The following FGF14 variants were observed in gnomAD, a reference collection of about 807,000 sequenced individuals.
The protein encoded by FGF14 is fibroblast growth factor homologous factor 4.
A neutral mutation model predicts 25.5 loss-of-function variants in FGF14; 5 were observed. The ratio of observed to expected loss-of-function variants is 0.20; its 90% CI spans 0.10 to 0.41. The LOEUF (loss-of-function observed/expected upper bound fraction) is 0.41. Ranked by LOEUF, FGF14 falls within the 10% of genes least tolerant of loss-of-function variation. The pLI, the probability that FGF14 is intolerant of heterozygous loss-of-function variation, is 1.00. For missense variants in FGF14, 222 were observed against 320.1 expected (o/e 0.69, Z 2.34); for synonymous variants, 138 against 118.3 (o/e 1.17, Z -1.08).
chr13:101,831,963 T>C (rs1187194792), intron 3 of FGF14, among the ~76,000 whole-genome samples: 3 of 152,042 alleles, frequency 2.0e-5, no homozygotes. Flanking sequence ...CCACCAAATA[T>C]ATCAGGTCTT....
At chr13:102,207,397 C>A (rs1293456134) in intron 1 of FGF14, among the ~76,000 whole-genome samples, 1 of 151,648 alleles carries the variant, frequency 6.6e-6, no homozygotes, top group Non-Finnish European at 1.5e-5. Context: ...CCATTTTACA[C>A]CTCAAAGTTT....
intron 1 of FGF14, among the ~76,000 whole-genome samples, chr13:102,179,855 T>C (rs1387324318): frequency 6.6e-6 from 1 of 152,184 alleles, no homozygotes; most frequent in African/African-American, 2.4e-5. Context: ...GGACCCTAGC[T>C]CTTCCATCCC....
intron 1 of FGF14, among the ~76,000 whole-genome samples, chr13:102,386,238 T>C (rs1434105180): frequency 6.6e-6 from 1 of 151,590 alleles, no homozygotes; most frequent in Non-Finnish European, 1.5e-5. Context: ...GTCCAAGTGA[T>C]TCTCCTGCCT....
intron 1 of FGF14, among the ~76,000 whole-genome samples, chr13:101,978,202 T>C (rs987152192): frequency 2.0e-5 from 3 of 152,258 alleles, no homozygotes; most frequent in African/African-American, 7.2e-5. Context: ...ATATTCTCTT[T>C]TAATAGAGTT....
At chr13:102,027,093 C>T (rs1246413021) in intron 1 of FGF14, among the ~76,000 whole-genome samples, 1 of 151,872 alleles carries the variant, frequency 6.6e-6, no homozygotes, top group African/African-American at 2.4e-5. Context: ...CCTCCTTTGG[C>T]ATAGTCAATT....
At chr13:102,341,560 C>T (rs1438406537) in intron 1 of FGF14, among the ~76,000 whole-genome samples, 1 of 152,094 alleles carries the variant, frequency 6.6e-6, no homozygotes, top group Non-Finnish European at 1.5e-5. Context: ...CCTACCATCC[C>T]TATTGTGAGC....
chr13:101,866,360 T>G (rs1180179785), intron 3 of FGF14, among the ~76,000 whole-genome samples: 1 of 152,122 alleles, frequency 6.6e-6, no homozygotes. Flanking sequence ...CAGTTAAAAA[T>G]GTAAGCTAAT....
intron 1 of FGF14, among the ~76,000 whole-genome samples, chr13:102,165,100 T>C (rs537274709): frequency 5.7e-4 from 87 of 151,778 alleles, no homozygotes; most frequent in Non-Finnish European, 1.1e-3. Flanking sequence ...AAATGCAAAT[T>C]AAAACCACAA....
intron 1 of FGF14, among the ~76,000 whole-genome samples, chr13:101,966,899 C>G (rs7324099): frequency 0.093 from 14,222 of 152,136 alleles, 852 homozygotes; most frequent in Admixed American, 0.19. Context: ...AGCTGGACTC[C>G]GGCTCATATA....
intron 3 of FGF14, among the ~76,000 whole-genome samples, chr13:101,769,875 T>A (rs1429274187): frequency 6.6e-6 from 1 of 152,156 alleles, no homozygotes; most frequent in African/African-American, 2.4e-5. Context: ...GATACTATAA[T>A]CATGGATACA....
At chr13:102,083,591 G>A (rs2043744465) in intron 1 of FGF14, among the ~76,000 whole-genome samples, 1 of 152,156 alleles carries the variant, frequency 6.6e-6, no homozygotes, top group Non-Finnish European at 1.5e-5. Context: ...AACGAAAGAA[G>A]CTCTAAAACC....
intron 1 of FGF14, among the ~76,000 whole-genome samples, chr13:102,204,475 G>A (rs1443051467): frequency 1.3e-5 from 2 of 152,158 alleles, no homozygotes; most frequent in Admixed American, 6.5e-5. Context: ...AGTTGGGCAT[G>A]GCCCATATAT....
chr13:101,729,173 T>A (rs2035641113), intron 3 of FGF14, among the ~76,000 whole-genome samples: 1 of 152,148 alleles, frequency 6.6e-6, no homozygotes, highest in Non-Finnish European at 1.5e-5. Flanking sequence ...TCTGTAGAAC[T>A]ATTGCCTTCA....
At chr13:102,370,503 G>A (rs999306251) in intron 1 of FGF14, among the ~76,000 whole-genome samples, 4 of 151,044 alleles carry the variant, frequency 2.6e-5, no homozygotes, top group Non-Finnish European at 5.9e-5. Flanking sequence ...CTCCCACCTC[G>A]GCCTCCTGAG....
intron 1 of FGF14, among the ~76,000 whole-genome samples, chr13:102,077,975 G>C (rs890443608): frequency 6.6e-6 from 1 of 152,096 alleles, no homozygotes; most frequent in African/African-American, 2.4e-5. Flanking sequence ...AGGAAATCTT[G>C]TGTTTGCAAC....
intron 1 of FGF14, among the ~76,000 whole-genome samples, chr13:102,171,972 G>GTATTTATTTATTTATT (rs58098373): frequency 6.8e-6 from 1 of 146,126 alleles, no homozygotes; most frequent in Non-Finnish European, 1.5e-5. Context: ...CACTTACCAT[G>GTATTTATTTATTTATT]TATTTATTTA....
At chr13:102,217,675 A>T (rs1346677177) in intron 1 of FGF14, among the ~76,000 whole-genome samples, 1 of 152,214 alleles carries the variant, frequency 6.6e-6, no homozygotes, top group East Asian at 1.9e-4. Flanking sequence ...GTTGACTCAG[A>T]AAAAGAAAAG....
intron 1 of FGF14, among the ~76,000 whole-genome samples, chr13:101,959,161 A>G (rs1466355825): frequency 1.3e-5 from 2 of 152,112 alleles, no homozygotes; most frequent in South Asian, 2.1e-4. Context: ...ACAGTTCACA[A>G]TAGGGTTAGT....
chr13:102,100,697 G>A (rs2044620556), intron 1 of FGF14, among the ~76,000 whole-genome samples: 1 of 152,190 alleles, frequency 6.6e-6, no homozygotes, highest in East Asian at 1.9e-4. Flanking sequence ...CACAGCATGG[G>A]AGCCACTATA....
Sources: gnomAD v4.1 joint callset for allele counts (sites outside exome capture counted in the v4.1 genomes callset) on GRCh38, gnomAD v4.1.1 for gene constraint, MANE v1.5 for transcripts, NCBI Gene and HGNC (gene_info 2026-07-23, HGNC 2026-07-21) for gene names.